Variants in GDPD1 observed in about 807,000 individuals in gnomAD.
GDPD1 encodes glycerophosphodiester phosphodiesterase domain containing 1.
In GDPD1, 28 loss-of-function variants were observed where a neutral mutation model predicts 45.1. The ratio of observed to expected loss-of-function variants is 0.62; its 90% CI spans 0.46 to 0.85. The LOEUF is 0.85. Among genes scored for constraint, GDPD1 ranks in the 40% least tolerant of loss-of-function variants. The pLI, the probability that GDPD1 is intolerant of heterozygous loss-of-function variation, is 0.00. For synonymous variants in GDPD1, 139 were observed against 131.4 expected (o/e 1.06, Z -0.40); for missense variants, 256 against 364.8 (o/e 0.70, Z 2.43).
intron 4 of GDPD1, 149 bp downstream of exon 4, chr17:59,248,934 A>G: frequency 1.8e-6 from 1 of 563,756 alleles, no homozygotes; most frequent in East Asian, 2.9e-5. Context: ...ATCTGACGTG[A>G]AATTATCAGG....
rs944801514 is a variant in GDPD1, at chr17:59,274,506, C to G, written c.*733C>G. On this transcript the variant is annotated 3_prime_UTR_variant, in exon 10 of 10. Coordinates refer to ENST00000284116, the MANE Select transcript of GDPD1 (RefSeq NM_182569.4). ...CCAGCCTGGGAGACAGAGTGAGACTCCGTCTCAAAAAAAAAAAAAAAAAAA... is the reference window on the plus strand; with the variant it reads ...CCAGCCTGGGAGACAGAGTGAGACTGCGTCTCAAAAAAAAAAAAAAAAAAA... 3 of 119,728 alleles carry G rather than the reference C, an allele frequency of 2.5e-5. No homozygotes were observed. Among genetic ancestry groups the G allele is most frequent in the Admixed American group, 8.6e-5 (1 of 11,580 alleles). The allele number at this position is 119,728 out of a possible 1,614,324, so 7.4% of individuals were successfully genotyped here.
At chr17:59,224,723 G>A (rs1021011671) in intron 1 of GDPD1, among the ~76,000 whole-genome samples, 10 of 152,154 alleles carry the variant, frequency 6.6e-5, no homozygotes, top group Non-Finnish European at 1.2e-4. Context: ...TTGAGAGGCT[G>A]AGGCAGGAGG....
At chr17:59,235,791 T>C (rs1315241928) in intron 2 of GDPD1, among the ~76,000 whole-genome samples, 1 of 147,784 alleles carries the variant, frequency 6.8e-6, no homozygotes, top group Non-Finnish European at 1.5e-5. Context: ...CACTCCAGCC[T>C]GGGCAATAGA....
chr17:59,252,516 C>T (rs2047262935), intron 4 of GDPD1, among the ~76,000 whole-genome samples: 1 of 151,958 alleles, frequency 6.6e-6, no homozygotes, highest in East Asian at 2.0e-4. Flanking sequence ...TGGGATTAGT[C>T]ATGAGCCACC....
intron 1 of GDPD1, among the ~76,000 whole-genome samples, chr17:59,232,174 T>C (rs1173643895): frequency 6.6e-6 from 1 of 152,078 alleles, no homozygotes; most frequent in Non-Finnish European, 1.5e-5. Context: ...CAGTACAAGC[T>C]GGGCGCGGTG....
chr17:59,223,781 C>A (rs2047024095), intron 1 of GDPD1, among the ~76,000 whole-genome samples: 1 of 152,148 alleles, frequency 6.6e-6, no homozygotes, highest in Admixed American at 6.5e-5. Flanking sequence ...TGCAAAAACA[C>A]ATGTCTGTAA....
In GDPD1 at chr17:59,220,765, C is replaced by T; in HGVS notation, c.142+14C>T. ...CTCACCGCGGAGGTGAGAGGGGTCCCCAGAACCCGATGACGGAGGTGGGGG... is the reference window on the plus strand; with the variant it reads ...CTCACCGCGGAGGTGAGAGGGGTCCTCAGAACCCGATGACGGAGGTGGGGG... On this transcript the variant is annotated intron_variant, in intron 1 of 9. Transcript: ENST00000284116. 6.2e-7 allele frequency: 1 copy of T among 1,609,486 alleles called. No homozygotes were observed. Among genetic ancestry groups the T allele is most frequent in the Non-Finnish European group, 8.5e-7 (1 of 1,178,538 alleles).
At chr17:59,257,871 A>C (rs766624163) in intron 6 of GDPD1, 31 bp downstream of exon 6, 1 of 1,355,622 alleles carries the variant, frequency 7.4e-7, no homozygotes, top group Non-Finnish European at 1.0e-6. Context: ...AGAATTATCT[A>C]TCTTTGTTGT....
At chr17:59,267,507 G>C (rs551932609) in intron 7 of GDPD1, among the ~76,000 whole-genome samples, 10 of 152,002 alleles carry the variant, frequency 6.6e-5, no homozygotes, top group Admixed American at 4.6e-4. Context: ...CTACTTCATT[G>C]ACAGCTTTAC....
chr17:59,238,416 ATT>A lies in GDPD1; in HGVS notation c.185+3894_185+3895del, dbSNP rs112285979. Among the ~76,000 whole-genome samples the A allele has an allele frequency of 5.3e-3, 756 of 143,258 alleles. 10 individuals are homozygous for A. Among genetic ancestry groups the A allele is most frequent in the African/African-American group, 0.018 (691 of 39,016 alleles). The allele number at this position is 143,258 out of a possible 152,430, so 94.0% of individuals were successfully genotyped here. On this transcript the variant is annotated intron_variant, in intron 2 of 9. Transcript: ENST00000284116. ...GAATATGGCTCTTCTATTATTTTTT[ATT>A]TTTTTTTTTTTCCGAGACGGAGTCT...
chr17:59,255,764 T>A (rs977108613), intron 4 of GDPD1, among the ~76,000 whole-genome samples: 6,212 of 46,442 alleles, frequency 0.13, 559 homozygotes, highest in Non-Finnish European at 0.17. Context: ...AAAAAAAAAA[T>A]ATATATATAT....
chr17:59,267,713 A>G (rs907478281), intron 7 of GDPD1, among the ~76,000 whole-genome samples: 11 of 148,722 alleles, frequency 7.4e-5, no homozygotes, highest in Non-Finnish European at 1.5e-5. Flanking sequence ...GTTGTGGCCT[A>G]GGCTGGGGTG....
chr17:59,261,819 A>T (rs1354992389), intron 6 of GDPD1, among the ~76,000 whole-genome samples: 1 of 150,330 alleles, frequency 6.7e-6, no homozygotes, highest in Non-Finnish European at 1.5e-5. Context: ...TTTTTTGTAG[A>T]GATGGAGTCT....
intron 1 of GDPD1, among the ~76,000 whole-genome samples, chr17:59,229,206 T>C (rs2047070485): frequency 6.7e-6 from 1 of 149,520 alleles, no homozygotes; most frequent in Non-Finnish European, 1.5e-5. Flanking sequence ...CAGGCTGGAG[T>C]GCAGTGGTGC....
At chr17:59,232,595 A>G (rs979620803) in intron 1 of GDPD1, among the ~76,000 whole-genome samples, 2 of 152,236 alleles carry the variant, frequency 1.3e-5, no homozygotes, top group Non-Finnish European at 1.5e-5. Context: ...TCATGATAAT[A>G]GACATTATAA....
intron 4 of GDPD1, among the ~76,000 whole-genome samples, chr17:59,255,857 G>GTATATATATATATACACGTATA (rs1568346976): frequency 4.9e-5 from 2 of 40,878 alleles, no homozygotes; most frequent in African/African-American, 2.9e-4. Context: ...ATATACACAC[G>GTATATATATATATACACGTATA]TATATATATA....
intron 1 of GDPD1, among the ~76,000 whole-genome samples, chr17:59,228,835 A>G (rs561696957): frequency 1.3e-5 from 2 of 151,128 alleles, no homozygotes; most frequent in African/African-American, 2.4e-5. Flanking sequence ...AGCTCCGACC[A>G]TGCCACTGCA....
intron 8 of GDPD1, among the ~76,000 whole-genome samples, chr17:59,271,201 CT>C (rs1411076064): frequency 1.3e-5 from 2 of 152,106 alleles, no homozygotes; most frequent in Non-Finnish European, 2.9e-5. Flanking sequence ...AGATAATGTC[CT>C]CCAACTTCAT....
At chr17:59,224,911 G>A (rs1026103407) in intron 1 of GDPD1, among the ~76,000 whole-genome samples, 2 of 152,026 alleles carry the variant, frequency 1.3e-5, no homozygotes, top group African/African-American at 4.8e-5. Flanking sequence ...GTGTGACAAT[G>A]GGTATATATG....
Sources: allele counts gnomAD v4.1 joint callset (sites outside exome capture counted in the v4.1 genomes callset), GRCh38; gene constraint gnomAD v4.1.1; transcripts MANE v1.5; gene names NCBI Gene and HGNC (gene_info 2026-07-23, HGNC 2026-07-21).